CDH13: variants seen among roughly 807,000 people sequenced by gnomAD.
The protein encoded by CDH13 is cadherin-13.
A neutral mutation model predicts 63.8 loss-of-function variants in CDH13; 24 were observed. The ratio of observed to expected loss-of-function variants is 0.38; its 90% CI spans 0.27 to 0.53. CDH13 has a LOEUF of 0.53. Among genes scored for constraint, CDH13 ranks in the 20% least tolerant of loss-of-function variants. The probability of loss-of-function intolerance (pLI) is 0.85; values close to 1 mark genes in which losing one functional copy is unlikely to be tolerated. For missense variants in CDH13, 1,049 were observed against 903.1 expected (o/e 1.16, Z -2.07); for synonymous variants, 503 against 355.3 (o/e 1.42, Z -4.67).
chr16:83,023,841 T>C (rs1915566265), intron 2 of CDH13, among the ~76,000 whole-genome samples: 1 of 152,200 alleles, frequency 6.6e-6, no homozygotes, highest in South Asian at 2.1e-4. Flanking sequence ...GGTGAGAATG[T>C]AGAGTCTGTT....
intron 1 of CDH13, among the ~76,000 whole-genome samples, chr16:82,672,999 C>CTTTT (rs562942948): frequency 0.012 from 1,002 of 81,150 alleles, 126 homozygotes; most frequent in African/African-American, 0.047. Flanking sequence ...ATAAAGTTTT[C>CTTTT]TTTTTTTTTT....
At position 83,048,529 on chromosome 16, in the gene CDH13, A is replaced by G. The variant is rs921343200; in HGVS notation, c.366+16311A>G. ...CTCTAAGGCTTTTCCATTTACCTAA[A>G]GCAGTAAGTTGTACTCTAGTGCCTA... On this transcript the variant is annotated intron_variant, in intron 3 of 13. Coordinates refer to ENST00000567109, the MANE Select transcript of CDH13 (RefSeq NM_001257.5). Among the ~76,000 whole-genome samples the G allele has an allele frequency of 2.6e-5, 4 of 152,174 alleles. No homozygotes were observed. In the East Asian group the frequency reaches 7.7e-4, roughly 29 times the overall value.
intron 3 of CDH13, among the ~76,000 whole-genome samples, chr16:83,086,383 A>C (rs958689058): frequency 5.9e-5 from 9 of 152,186 alleles, no homozygotes; most frequent in African/African-American, 1.9e-4. Context: ...TTAGTGTTCT[A>C]ATCTGTAAAA....
Position 83,578,924 on chromosome 16 carries a change from C to T in CDH13, c.961-23530C>T, listed in dbSNP as rs1006308300. Among the ~76,000 whole-genome samples the T allele has an allele frequency of 3.3e-5, 5 of 152,322 alleles. 1 individual carries two copies. The South Asian group carries it at 1.0e-3, about 32-fold the overall frequency. On this transcript the variant is annotated intron_variant, in intron 7 of 13. Coordinates refer to ENST00000567109, the MANE Select transcript of CDH13 (RefSeq NM_001257.5). ...TAGTGAGGTTAACGTACCTAAAGTC[C>T]TATGTGCAGGTAGTTAGTAGCGGAG...
chr16:83,647,667 G>A (rs1911963480), intron 8 of CDH13, among the ~76,000 whole-genome samples: 1 of 152,162 alleles, frequency 6.6e-6, no homozygotes, highest in South Asian at 2.1e-4. Context: ...TCCATATTCG[G>A]GGATTATCTA....
chr16:82,865,929 T>G (rs1457244445), intron 2 of CDH13, among the ~76,000 whole-genome samples: 2 of 152,222 alleles, frequency 1.3e-5, no homozygotes, highest in East Asian at 3.9e-4. Context: ...GCTGAATGCT[T>G]TTAAGAGCAC....
chr16:82,907,363 C>A (rs1050114411), intron 2 of CDH13, among the ~76,000 whole-genome samples: 1 of 152,078 alleles, frequency 6.6e-6, no homozygotes, highest in African/African-American at 2.4e-5. Context: ...GCTCCACAAA[C>A]CCCTGTTTAA....
intron 6 of CDH13, among the ~76,000 whole-genome samples, chr16:83,442,915 C>A (rs554484591): frequency 6.6e-6 from 1 of 152,336 alleles, no homozygotes; most frequent in African/African-American, 2.4e-5. Context: ...TAAAATTTCA[C>A]CCTATATGCT....
chr16:82,782,566 AT>A lies in CDH13; in HGVS notation c.46-75795del, dbSNP rs1302160089. ...GACTCCATCTCAAAAAAAAAAAAAA[AT>A]AATAATAAACAAATGGATGCATGAA... On this transcript the variant is annotated intron_variant, in intron 1 of 13. Coordinates refer to ENST00000567109, the MANE Select transcript of CDH13 (RefSeq NM_001257.5). Among the ~76,000 whole-genome samples the A allele has an allele frequency of 2.9e-4, 43 of 146,354 alleles. No individual in the cohort carries two copies. The Middle Eastern group carries it at 0.011, about 36-fold the overall frequency.
intron 8 of CDH13, among the ~76,000 whole-genome samples, chr16:83,658,076 T>C (rs1215020832): frequency 8.3e-6 from 1 of 120,918 alleles, no homozygotes; most frequent in African/African-American, 3.3e-5. Flanking sequence ...CCAGGTGCCA[T>C]GTCCTCACCA....
chr16:83,441,524 G>A (rs112105546), intron 6 of CDH13, among the ~76,000 whole-genome samples: 1 of 152,128 alleles, frequency 6.6e-6, no homozygotes, highest in African/African-American at 2.4e-5. Flanking sequence ...GTTTAAAAAG[G>A]AACATTAACA....
chr16:83,546,908 G>T (rs1403599067), intron 7 of CDH13, among the ~76,000 whole-genome samples: 1 of 152,164 alleles, frequency 6.6e-6, no homozygotes, highest in African/African-American at 2.4e-5. Context: ...ACTCTGAAAA[G>T]ACTTGCAAAA....
At chr16:82,897,101 G>T (rs919348800) in intron 2 of CDH13, among the ~76,000 whole-genome samples, 1 of 152,090 alleles carries the variant, frequency 6.6e-6, no homozygotes, top group African/African-American at 2.4e-5. Context: ...CAATTCTAAA[G>T]AATTCTGGGA....
intron 5 of CDH13, among the ~76,000 whole-genome samples, chr16:83,224,128 T>G (rs7198414): frequency 0.049 from 7,442 of 152,264 alleles, 603 homozygotes; most frequent in African/African-American, 0.17. Context: ...CTTAGAATAA[T>G]AGTCTTCAAT....
intron 10 of CDH13, among the ~76,000 whole-genome samples, chr16:83,746,039 G>C (rs443832): frequency 0.18 from 27,085 of 152,186 alleles, 2,840 homozygotes; most frequent in Non-Finnish European, 0.24. Context: ...GTAGCTGTTG[G>C]TTTGTGCCTC....
chr16:83,410,455 C>G (rs1171152987), intron 6 of CDH13, among the ~76,000 whole-genome samples: 3 of 152,054 alleles, frequency 2.0e-5, no homozygotes, highest in Non-Finnish European at 4.4e-5. Context: ...ATCTATAGAT[C>G]AAGATAATGC....
intron 4 of CDH13, among the ~76,000 whole-genome samples, chr16:83,201,548 G>A (rs2039029217): frequency 1.3e-5 from 2 of 152,078 alleles, no homozygotes. Flanking sequence ...CTGGGAAAGG[G>A]GGCTGGGATA....
At chr16:82,965,076 C>T (rs538230523) in intron 2 of CDH13, among the ~76,000 whole-genome samples, 3 of 152,208 alleles carry the variant, frequency 2.0e-5, no homozygotes, top group Non-Finnish European at 4.4e-5. Flanking sequence ...AAGTAGCTCC[C>T]CTTTCTTCAA....
chr16:83,091,235 C>T (rs943449926), intron 3 of CDH13, among the ~76,000 whole-genome samples: 8 of 151,808 alleles, frequency 5.3e-5, no homozygotes, highest in South Asian at 2.1e-4. Flanking sequence ...CTTTGCTTTT[C>T]CCCCTACTCC....
Sources: gnomAD v4.1 joint callset for allele counts (sites outside exome capture counted in the v4.1 genomes callset) on GRCh38, gnomAD v4.1.1 for gene constraint, MANE v1.5 for transcripts, NCBI Gene and HGNC (gene_info 2026-07-23, HGNC 2026-07-21) for gene names.